CSMD1: variants seen among roughly 807,000 people sequenced by gnomAD.
CSMD1 encodes the protein CUB and Sushi multiple domains 1.
Under a neutral mutation model 417.5 loss-of-function variants are expected in CSMD1, and 213 were observed. The ratio of observed to expected loss-of-function variants is 0.51; its 90% CI spans 0.46 to 0.57. CSMD1 has a LOEUF of 0.57. Among genes scored for constraint, CSMD1 ranks in the 20% least tolerant of loss-of-function variants. The pLI is 0.00. For synonymous variants in CSMD1, 2,862 were observed against 1,736.8 expected (o/e 1.65, Z -16.11); for missense variants, 6,923 against 4,529.7 (o/e 1.53, Z -15.17).
At chr8:3,275,824 A>C (rs1163407630) in intron 26 of CSMD1, among the ~76,000 whole-genome samples, 1 of 151,950 alleles carries the variant, frequency 6.6e-6, no homozygotes, top group Admixed American at 6.6e-5. Context: ...CTAGTTATAC[A>C]TTCTTCTAAA....
intron 1 of CSMD1, among the ~76,000 whole-genome samples, chr8:4,980,839 G>T (rs914826509): frequency 6.6e-6 from 1 of 151,964 alleles, no homozygotes; most frequent in South Asian, 2.1e-4. Flanking sequence ...AGGAAGTTGA[G>T]GCTGCAGTGA....
At chr8:4,311,156 C>T (rs771334379) in intron 3 of CSMD1, among the ~76,000 whole-genome samples, 39 of 152,124 alleles carry the variant, frequency 2.6e-4, no homozygotes, top group African/African-American at 9.2e-4. Flanking sequence ...TGGCTGTAAG[C>T]CCAGTGGAAT....
At chr8:4,307,579 C>G (rs1429637723) in intron 3 of CSMD1, among the ~76,000 whole-genome samples, 1 of 152,180 alleles carries the variant, frequency 6.6e-6, no homozygotes, top group East Asian at 1.9e-4. Flanking sequence ...TCTGTGTTTA[C>G]AGAGTCCAGC....
At chr8:4,138,968 G>A (rs992991993) in intron 3 of CSMD1, among the ~76,000 whole-genome samples, 18 of 152,146 alleles carry the variant, frequency 1.2e-4, no homozygotes, top group African/African-American at 3.9e-4. Flanking sequence ...CACTCGCCAT[G>A]CATCTTTCCT....
intron 1 of CSMD1, among the ~76,000 whole-genome samples, chr8:4,735,307 C>T (rs1388443445): frequency 1.3e-5 from 2 of 152,144 alleles, no homozygotes; most frequent in African/African-American, 2.4e-5. Flanking sequence ...ACCACATCTC[C>T]AATGCCAGCT....
chr8:4,093,626 G>A (rs1800833812), intron 3 of CSMD1, among the ~76,000 whole-genome samples: 1 of 152,098 alleles, frequency 6.6e-6, no homozygotes, highest in Admixed American at 6.6e-5. Context: ...TCGAATTTAA[G>A]CCAACTATGA....
chr8:4,508,055 T>C (rs1413278187), intron 2 of CSMD1, among the ~76,000 whole-genome samples: 1 of 146,324 alleles, frequency 6.8e-6, no homozygotes. Context: ...TAAATGAGCA[T>C]CTGGAGATTG....
At chr8:3,972,221 A>AG (rs1813138970) in intron 5 of CSMD1, among the ~76,000 whole-genome samples, 2 of 152,010 alleles carry the variant, frequency 1.3e-5, no homozygotes, top group Admixed American at 6.6e-5. Context: ...GAAAGCAGGG[A>AG]GAAAAAAAAA....
intron 3 of CSMD1, among the ~76,000 whole-genome samples, chr8:4,335,955 G>T (rs1021301779): frequency 6.6e-6 from 1 of 152,066 alleles, no homozygotes; most frequent in African/African-American, 2.4e-5. Flanking sequence ...GCACAGGGAG[G>T]CTCTCACAGA....
At chr8:4,861,398 C>A (rs1346782544) in intron 1 of CSMD1, among the ~76,000 whole-genome samples, 2 of 152,058 alleles carry the variant, frequency 1.3e-5, no homozygotes, top group African/African-American at 4.8e-5. Context: ...TCTATTACTA[C>A]GCTGTAAACA....
At chr8:3,594,382 G>C (rs969587489) in intron 8 of CSMD1, among the ~76,000 whole-genome samples, 3 of 152,050 alleles carry the variant, frequency 2.0e-5, no homozygotes, top group African/African-American at 4.8e-5. Flanking sequence ...CTGAAATTTG[G>C]GTTACGTCTT....
At chr8:4,722,843 G>C (rs898396692) in intron 1 of CSMD1, among the ~76,000 whole-genome samples, 7 of 152,078 alleles carry the variant, frequency 4.6e-5, no homozygotes, top group Non-Finnish European at 1.0e-4. Context: ...CTACTGGAAT[G>C]ACACTGCTTT....
chr8:4,373,621 C>A (rs1802535212), intron 3 of CSMD1, among the ~76,000 whole-genome samples: 1 of 152,152 alleles, frequency 6.6e-6, no homozygotes, highest in Non-Finnish European at 1.5e-5. Flanking sequence ...ATGAACATAA[C>A]TGAAATTTCT....
At chr8:3,047,194 A>C (rs2062333288) in intron 50 of CSMD1, among the ~76,000 whole-genome samples, 1 of 147,142 alleles carries the variant, frequency 6.8e-6, no homozygotes, top group South Asian at 2.3e-4. Flanking sequence ...AGCCCAGGCA[A>C]CAGTATAAGA....
At chr8:4,022,370 C>A (rs377202759) in intron 4 of CSMD1, among the ~76,000 whole-genome samples, 1 of 151,922 alleles carries the variant, frequency 6.6e-6, no homozygotes, top group Non-Finnish European at 1.5e-5. Context: ...AATCATGAAG[C>A]AACACTGTAA....
At chr8:4,240,298 T>A (rs974835956) in intron 3 of CSMD1, among the ~76,000 whole-genome samples, 2 of 152,214 alleles carry the variant, frequency 1.3e-5, no homozygotes, top group African/African-American at 2.4e-5. Flanking sequence ...TTGACCCTTA[T>A]CACCTTGTAC....
chr8:3,082,898 G>C (rs899073133), intron 49 of CSMD1, among the ~76,000 whole-genome samples: 1 of 152,148 alleles, frequency 6.6e-6, no homozygotes, highest in Admixed American at 6.5e-5. Flanking sequence ...AGATTCTCAT[G>C]TCCCAGCTTT....
chr8:3,555,670 A>G (rs1799112192), intron 10 of CSMD1, among the ~76,000 whole-genome samples: 1 of 151,162 alleles, frequency 6.6e-6, no homozygotes, highest in Non-Finnish European at 1.5e-5. Flanking sequence ...TGAATCTGAT[A>G]ACTTAAATGT....
chr8:3,781,733 A>G (rs1457107383), intron 5 of CSMD1, among the ~76,000 whole-genome samples: 1 of 152,156 alleles, frequency 6.6e-6, no homozygotes, highest in African/African-American at 2.4e-5. Flanking sequence ...GGGGGCCAAT[A>G]TTGCCCCTGA....
Sources: gnomAD v4.1 joint callset for allele counts (sites outside exome capture counted in the v4.1 genomes callset) on GRCh38, gnomAD v4.1.1 for gene constraint, MANE v1.5 for transcripts, NCBI Gene and HGNC (gene_info 2026-07-23, HGNC 2026-07-21) for gene names.